Variants in TMEM178B observed in about 807,000 individuals in gnomAD.
TMEM178B encodes the protein transmembrane protein 178B.
TMEM178B carries 5 observed loss-of-function variants against 31.0 expected under a neutral mutation model. The ratio of observed to expected loss-of-function variants is 0.16; its 90% CI spans 0.08 to 0.34. The LOEUF (loss-of-function observed/expected upper bound fraction) is 0.34. Ranked by LOEUF, TMEM178B falls within the 10% of genes least tolerant of loss-of-function variation. The pLI is 1.00. For missense variants in TMEM178B, 275 were observed against 400.3 expected (o/e 0.69, Z 2.67); for synonymous variants, 164 against 164.0 (o/e 1.00, Z 0.00).
At chr7:141,076,628 G>A (rs1794604408) in intron 1 of TMEM178B, among the ~76,000 whole-genome samples, 1 of 152,188 alleles carries the variant, frequency 6.6e-6, no homozygotes, top group African/African-American at 2.4e-5. Context: ...ATAGTGACAT[G>A]TTCTTCCGGT....
chr7:141,180,206 C>T lies in TMEM178B; in HGVS notation c.383-32385C>T, dbSNP rs965352505. Among the ~76,000 whole-genome samples the T allele has an allele frequency of 2.6e-5, 4 of 152,158 alleles. No individual in the cohort carries two copies. In the South Asian group the frequency reaches 6.2e-4, roughly 24 times the overall value. On this transcript the variant is annotated intron_variant, in intron 1 of 3. Transcript: ENST00000565468. Reference sequence around the variant, plus strand: ...GAATCTAAAGAAAACACAGGCCAGGCGTGGTGGCTCATGCCTATAATTCCA... The same window carrying T: ...GAATCTAAAGAAAACACAGGCCAGGTGTGGTGGCTCATGCCTATAATTCCA...
chr7:141,434,797 G>A (rs187081526), intron 2 of TMEM178B, among the ~76,000 whole-genome samples: 5 of 152,240 alleles, frequency 3.3e-5, no homozygotes, highest in South Asian at 2.1e-4. Flanking sequence ...TCTGGTAACC[G>A]TTACTGTACT....
At chr7:141,225,560 C>T (rs963721247) in intron 2 of TMEM178B, among the ~76,000 whole-genome samples, 3 of 152,154 alleles carry the variant, frequency 2.0e-5, no homozygotes, top group Admixed American at 2.0e-4. Context: ...GAAATGGGTT[C>T]TGAATTCTAA....
At chr7:141,496,526 C>CCCGTCTCTACTAAAAATACA in the TMEM178B span, among the ~76,000 whole-genome samples, 10 of 148,966 alleles carry the variant, frequency 6.7e-5, no homozygotes, top group African/African-American at 2.6e-4. Flanking sequence ...AAAAATTAGC[C>CCCGTCTCTACTAAAAATACA]AGGTGTAGTG....
intron 1 of TMEM178B, among the ~76,000 whole-genome samples, chr7:141,113,866 G>A (rs1795274868): frequency 1.3e-5 from 2 of 152,174 alleles, no homozygotes; most frequent in African/African-American, 4.8e-5. Context: ...TGATTTATAG[G>A]CATGGTAATT....
intron 2 of TMEM178B, chr7:141,414,557 C>T (rs1801063513): frequency 6.6e-6 from 1 of 152,612 alleles, no homozygotes; most frequent in Non-Finnish European, 1.5e-5. Context: ...CAGCCGATAA[C>T]ATTTGGAAAT....
chr7:141,096,134 A>T (rs555130809), intron 1 of TMEM178B, among the ~76,000 whole-genome samples: 1 of 152,290 alleles, frequency 6.6e-6, no homozygotes, highest in African/African-American at 2.4e-5. Context: ...TGAGGGGTAA[A>T]TATTTAATAG....
chr7:141,471,754 A>G lies in TMEM178B; in HGVS notation c.*968A>G, dbSNP rs1802245744. 1 of 149,510 alleles carries G rather than the reference A, an allele frequency of 6.7e-6. No homozygotes were observed. Among genetic ancestry groups the G allele is most frequent in the African/African-American group, 2.5e-5 (1 of 40,028 alleles). 9.3% of individuals were successfully genotyped at this position (149,510 alleles called of 1,614,324 possible). A position where few individuals can be genotyped will look rare whatever the true frequency, so the allele number is the denominator to read the frequency against. ...CTATAAGGGTGCCAATTCTGCAGCTACAGATCCCTGGAGTGGTGTGTGTGT... is the reference window on the plus strand; with the variant it reads ...CTATAAGGGTGCCAATTCTGCAGCTGCAGATCCCTGGAGTGGTGTGTGTGT... On this transcript the variant is annotated 3_prime_UTR_variant, in exon 4 of 4. Transcript: ENST00000565468. The surrounding 1 kb of genome is among the most constrained non-coding windows in gnomAD (Gnocchi z 4.1).
At chr7:141,117,896 T>G (rs999358449) in intron 1 of TMEM178B, among the ~76,000 whole-genome samples, 1 of 152,214 alleles carries the variant, frequency 6.6e-6, no homozygotes, top group Non-Finnish European at 1.5e-5. Context: ...AGTACCATGC[T>G]GTTTTGGTTA....
intron 2 of TMEM178B, among the ~76,000 whole-genome samples, chr7:141,340,807 T>C (rs2116510264): frequency 6.6e-6 from 1 of 152,314 alleles, no homozygotes; most frequent in African/African-American, 2.4e-5. Context: ...CTAGTACACT[T>C]TTAGAAAACA....
At chr7:141,393,193 T>G (rs1169409226) in intron 2 of TMEM178B, among the ~76,000 whole-genome samples, 1 of 152,002 alleles carries the variant, frequency 6.6e-6, no homozygotes. Flanking sequence ...ATGGGAGGGG[T>G]GTTTTTCTTC....
chr7:141,413,383 C>T (rs1347562508), intron 2 of TMEM178B, among the ~76,000 whole-genome samples: 1 of 152,064 alleles, frequency 6.6e-6, no homozygotes, highest in Non-Finnish European at 1.5e-5. Context: ...TGAAAGAGAC[C>T]TACTCAAAAG....
At chr7:141,350,137 A>C (rs1365169090) in intron 2 of TMEM178B, among the ~76,000 whole-genome samples, 1 of 152,144 alleles carries the variant, frequency 6.6e-6, no homozygotes, top group Admixed American at 6.5e-5. Flanking sequence ...TCTACCTTCC[A>C]GATGTCACAA....
At chr7:141,101,326 C>A (rs1014049644) in intron 1 of TMEM178B, among the ~76,000 whole-genome samples, 11 of 152,170 alleles carry the variant, frequency 7.2e-5, no homozygotes, top group African/African-American at 2.2e-4. Flanking sequence ...TTCCCTTTAA[C>A]CTTTAAAAAC....
intron 1 of TMEM178B, among the ~76,000 whole-genome samples, chr7:141,091,439 G>A (rs1794878550): frequency 6.6e-6 from 1 of 152,268 alleles, no homozygotes; most frequent in Non-Finnish European, 1.5e-5. Context: ...GGTCAGCAGA[G>A]TTGTTAACAT....
chr7:141,209,730 G>A (rs1797022414), intron 1 of TMEM178B, among the ~76,000 whole-genome samples: 1 of 152,162 alleles, frequency 6.6e-6, no homozygotes, highest in Non-Finnish European at 1.5e-5. Context: ...CTGCTGGGGT[G>A]CAATCTAGAT....
intron 1 of TMEM178B, among the ~76,000 whole-genome samples, chr7:141,102,772 C>T (rs1259991064): frequency 6.6e-6 from 1 of 152,160 alleles, no homozygotes; most frequent in Non-Finnish European, 1.5e-5. Context: ...ATAACCCTCT[C>T]TTATATTTGC....
chr7:141,338,523 G>A (rs866602048), intron 2 of TMEM178B, among the ~76,000 whole-genome samples: 4 of 152,324 alleles, frequency 2.6e-5, no homozygotes, highest in South Asian at 4.1e-4. Context: ...ATTGGATGGG[G>A]ATGGGAGAAA....
chr7:141,278,541 C>T (rs1009666737), intron 2 of TMEM178B, among the ~76,000 whole-genome samples: 1 of 64,332 alleles, frequency 1.6e-5, no homozygotes, highest in Non-Finnish European at 2.4e-5. Flanking sequence ...CAAGATTGTG[C>T]CATGGCACCC....
Sources: gnomAD v4.1 joint callset for allele counts (sites outside exome capture counted in the v4.1 genomes callset) on GRCh38, gnomAD v4.1.1 for gene constraint, Gnocchi (gnomAD v3.1) non-coding constraint, MANE v1.5 for transcripts, NCBI Gene and HGNC (gene_info 2026-07-23, HGNC 2026-07-21) for gene names.